Variants in RAB3C observed in about 807,000 individuals in gnomAD.
RAB3C encodes the protein ras-related protein Rab-3C.
In RAB3C, 17 loss-of-function variants were observed where a neutral mutation model predicts 26.4. That is an observed-to-expected ratio of 0.64 (90% CI 0.44 to 0.97). RAB3C has a LOEUF of 0.97. Among genes scored for constraint, RAB3C ranks in the 50% least tolerant of loss-of-function variants. RAB3C has a pLI of 0.00. For synonymous variants in RAB3C, 91 were observed against 95.9 expected (o/e 0.95, Z 0.30); for missense variants, 242 against 281.9 (o/e 0.86, Z 1.01).
At chr5:58,582,651 C>A (rs573961896), upstream of RAB3C, among the ~76,000 whole-genome samples, 54 of 152,216 alleles carry the variant, frequency 3.5e-4, no homozygotes, top group African/African-American at 1.2e-3. Flanking sequence ...TTTCCCGATT[C>A]GGATGGGGAG....
chr5:58,675,116 A>G (rs530001897), intron 2 of RAB3C, among the ~76,000 whole-genome samples: 13 of 152,100 alleles, frequency 8.5e-5, no homozygotes, highest in Admixed American at 3.3e-4. Flanking sequence ...TGCTCCCCGC[A>G]GGCAAGATTT....
intron 3 of RAB3C, among the ~76,000 whole-genome samples, chr5:58,729,734 G>T (rs1357949583): frequency 2.1e-5 from 3 of 142,626 alleles, no homozygotes; most frequent in Non-Finnish European, 3.0e-5. Flanking sequence ...AAAAAATATT[G>T]TATTTTATAT....
chr5:58,833,324 T>TCTCACACACACACACACACACACA (rs1554021454), intron 4 of RAB3C, among the ~76,000 whole-genome samples: 1 of 141,070 alleles, frequency 7.1e-6, no homozygotes, highest in African/African-American at 2.6e-5. Flanking sequence ...ACGGACCCCA[T>TCTCACACACACACACACACACACA]CACACACACA....
intron 4 of RAB3C, among the ~76,000 whole-genome samples, chr5:58,828,995 C>A (rs1743553223): frequency 6.6e-6 from 1 of 151,090 alleles, no homozygotes; most frequent in Non-Finnish European, 1.5e-5. Context: ...CCCCTGCCTC[C>A]TGGGTTCAAG....
intron 1 of RAB3C, among the ~76,000 whole-genome samples, chr5:58,605,876 A>G (rs1377506875): frequency 1.3e-5 from 2 of 152,140 alleles, no homozygotes; most frequent in Non-Finnish European, 2.9e-5. Flanking sequence ...TTGCACTCCA[A>G]CCTGGGTGAC....
At chr5:58,773,942 C>T (rs373941644) in intron 3 of RAB3C, among the ~76,000 whole-genome samples, 3 of 152,154 alleles carry the variant, frequency 2.0e-5, no homozygotes, top group African/African-American at 7.2e-5. Context: ...CTCCATGCTG[C>T]TCAGCAGTCT....
rs991284877 is a variant in RAB3C at position 58,583,185 on chromosome 5, A to G, written c.-24A>G. 3 of 1,614,062 alleles carry G rather than the reference A, an allele frequency of 1.9e-6. No individual in the cohort carries two copies. Among genetic ancestry groups the G allele is most frequent in the East Asian group, 2.2e-5 (1 of 44,884 alleles). ...AGCCCAGACCAGTGCGGTCCTAGCCAGAGAGAAAGGACATTTGCCAACAAT... is the reference window on the plus strand; with the variant it reads ...AGCCCAGACCAGTGCGGTCCTAGCCGGAGAGAAAGGACATTTGCCAACAAT... On this transcript the variant is annotated 5_prime_UTR_variant, in exon 1 of 5. Coordinates refer to ENST00000282878, the MANE Select transcript of RAB3C (RefSeq NM_138453.4).
At chr5:58,842,875 T>A (rs997067109) in intron 4 of RAB3C, among the ~76,000 whole-genome samples, 3 of 152,140 alleles carry the variant, frequency 2.0e-5, no homozygotes, top group Admixed American at 1.3e-4. Flanking sequence ...ATTTTAAGAA[T>A]TGGCAGATAT....
chr5:58,707,719 T>C (rs1748972717), intron 2 of RAB3C, among the ~76,000 whole-genome samples: 1 of 152,170 alleles, frequency 6.6e-6, no homozygotes, highest in African/African-American at 2.4e-5. Context: ...CCAAATCTAC[T>C]AAGGGAGAAC....
chr5:58,759,738 A>G lies in RAB3C; in HGVS notation c.371+33618A>G, dbSNP rs150559914. On this transcript the variant is annotated intron_variant, in intron 3 of 4. Transcript: ENST00000282878. Reference sequence around the variant, plus strand: ...AAGCACATTATTTATACCTGGAAGAACTGGCTTCTCTTACCCATTTAATTT... The same window carrying G: ...AAGCACATTATTTATACCTGGAAGAGCTGGCTTCTCTTACCCATTTAATTT... Among the ~76,000 whole-genome samples, 263 of 152,274 alleles carry G rather than the reference A, an allele frequency of 1.7e-3. 1 individual carries two copies. Among genetic ancestry groups the G allele is most frequent in the African/African-American group, 6.0e-3 (250 of 41,546 alleles).
At chr5:58,647,571 A>G (rs906997917) in intron 2 of RAB3C, 1 of 152,108 alleles carries the variant, frequency 6.6e-6, no homozygotes, top group Non-Finnish European at 1.5e-5. Flanking sequence ...ACCATATCAG[A>G]TACTTTAGCT....
At chr5:58,625,135 A>T (rs1747024516) in intron 2 of RAB3C, among the ~76,000 whole-genome samples, 2 of 152,190 alleles carry the variant, frequency 1.3e-5, no homozygotes, top group African/African-American at 4.8e-5. Flanking sequence ...TTTTTCTCTT[A>T]ATCCATTCTG....
chr5:58,791,156 C>T (rs1349024243), intron 3 of RAB3C, among the ~76,000 whole-genome samples: 1 of 152,050 alleles, frequency 6.6e-6, no homozygotes, highest in East Asian at 1.9e-4. Flanking sequence ...TTCTGTCCCT[C>T]CAGTTCTTAG....
At chr5:58,776,422 T>G (rs1310424039) in intron 3 of RAB3C, among the ~76,000 whole-genome samples, 1 of 152,122 alleles carries the variant, frequency 6.6e-6, no homozygotes, top group Non-Finnish European at 1.5e-5. Flanking sequence ...TTCTTTTACT[T>G]TTTTAACTTC....
chr5:58,851,204 T>C lies in RAB3C; in HGVS notation c.537T>C (p.Asn179=), dbSNP rs1343693259. The C allele has an allele frequency of 6.2e-6, 10 of 1,611,950 alleles. No individual in the cohort carries two copies. The highest frequency in any genetic ancestry group is 7.6e-6 in the Non-Finnish European group (9 of 1,179,440). ...FFETSAKDNI[N]VKQTFERLVD... Reference sequence around the variant, plus strand: ...AAACAAGTGCCAAGGACAACATTAATGTCAAGCAGACATTTGAGCGCCTTG... The same window carrying C: ...AAACAAGTGCCAAGGACAACATTAACGTCAAGCAGACATTTGAGCGCCTTG... Residue 179 remains asparagine, a synonymous_variant, in exon 5 of 5, where the codon AAT becomes AAC. Transcript: ENST00000282878.
chr5:58,721,865 G>T (rs1452467602), intron 2 of RAB3C, among the ~76,000 whole-genome samples: 1 of 151,590 alleles, frequency 6.6e-6, no homozygotes, highest in Non-Finnish European at 1.5e-5. Context: ...TTGTATTTCT[G>T]GGTTCAAATC....
intron 2 of RAB3C, among the ~76,000 whole-genome samples, chr5:58,696,638 G>A (rs965162217): frequency 6.6e-6 from 1 of 152,118 alleles, no homozygotes; most frequent in African/African-American, 2.4e-5. Context: ...CTTCTTCCTG[G>A]TTTAATCTTG....
At chr5:58,732,338 T>C (rs1741044681) in intron 3 of RAB3C, among the ~76,000 whole-genome samples, 1 of 151,902 alleles carries the variant, frequency 6.6e-6, no homozygotes, top group South Asian at 2.1e-4. Context: ...ATAGCTCTCA[T>C]TATAGGAAAG....
chr5:58,835,990 A>T (rs1743738393), intron 4 of RAB3C, among the ~76,000 whole-genome samples: 1 of 152,280 alleles, frequency 6.6e-6, no homozygotes, highest in South Asian at 2.1e-4. Flanking sequence ...GGGTAAAATT[A>T]TTAGGGCGGG....
Sources: gnomAD v4.1 joint callset for allele counts (sites outside exome capture counted in the v4.1 genomes callset) on GRCh38, gnomAD v4.1.1 for gene constraint, MANE v1.5 for transcripts, NCBI Gene and HGNC (gene_info 2026-07-23, HGNC 2026-07-21) for gene names.